Variants in SMOC1 observed in about 807,000 individuals in gnomAD.
SMOC1 encodes the protein SPARC-related modular calcium-binding protein 1.
Under a neutral mutation model 56.3 loss-of-function variants are expected in SMOC1, and 22 were observed. That is an observed-to-expected ratio of 0.39 (90% CI 0.28 to 0.56). The LOEUF (loss-of-function observed/expected upper bound fraction) is 0.56, where lower values mean the gene tolerates loss of function less well. Among genes scored for constraint, SMOC1 ranks in the 20% least tolerant of loss-of-function variants. SMOC1 has a pLI of 0.61. For missense variants in SMOC1, 509 were observed against 565.4 expected, an observed-to-expected ratio of 0.90 and a Z score of 1.01; for synonymous variants, 193 against 215.0, an observed-to-expected ratio of 0.90 and a Z score of 0.89.
chr14:69,895,869 T>C (rs1406055138), intron 1 of SMOC1, among the ~76,000 whole-genome samples: 3 of 23,168 alleles, frequency 1.3e-4, no homozygotes, highest in Non-Finnish European at 1.1e-3. Context: ...CTTTTTTTCT[T>C]TTTTTTTTTT....
intron 1 of SMOC1, among the ~76,000 whole-genome samples, chr14:69,889,565 T>C (rs1883905511): frequency 1.3e-5 from 2 of 152,202 alleles, no homozygotes; most frequent in African/African-American, 2.4e-5. Context: ...ATTTGTCCAA[T>C]GGAGGTCACA....
At chr14:69,956,353 G>T (rs2139449443) in intron 3 of SMOC1, among the ~76,000 whole-genome samples, 1 of 151,940 alleles carries the variant, frequency 6.6e-6, no homozygotes, top group South Asian at 2.1e-4. Flanking sequence ...AAATAAGGCT[G>T]CCTCTTTGAG....
chr14:69,997,659 T>C (rs1392906996), intron 7 of SMOC1, among the ~76,000 whole-genome samples: 1 of 152,234 alleles, frequency 6.6e-6, no homozygotes, highest in Non-Finnish European at 1.5e-5. Context: ...CTGGTGACTC[T>C]TGGTGGAATA....
Position 70,030,397 on chromosome 14 carries a change from A to T in SMOC1, c.*139A>T. 9.6e-7 allele frequency: 1 copy of T among 1,045,912 alleles called. No individual in the cohort carries two copies. The highest frequency in any genetic ancestry group is 1.4e-6 in the Non-Finnish European group (1 of 702,016). The allele number at this position is 1,045,912 out of a possible 1,614,324, so 64.8% of individuals were successfully genotyped here. On this transcript the variant is annotated 3_prime_UTR_variant, in exon 12 of 12. Coordinates refer to ENST00000361956, the MANE Select transcript of SMOC1 (RefSeq NM_001034852.3). ...GCCCACCATGTTTGCACTTTTAATA[A>T]CTCTTACTTGCGTGTTTTGTTTTTG...
At chr14:69,976,919 T>C (rs1307311285) in intron 4 of SMOC1, among the ~76,000 whole-genome samples, 1 of 152,170 alleles carries the variant, frequency 6.6e-6, no homozygotes, top group Admixed American at 6.5e-5. Flanking sequence ...AGAATCTACA[T>C]CAGGAAACCC....
At chr14:69,955,806 A>G (rs1883164636) in intron 3 of SMOC1, among the ~76,000 whole-genome samples, 1 of 152,198 alleles carries the variant, frequency 6.6e-6, no homozygotes, top group Admixed American at 6.5e-5. Context: ...TGATCTTTGT[A>G]TATATTTAAA....
At chr14:69,906,668 A>G (rs1374545753) in intron 1 of SMOC1, among the ~76,000 whole-genome samples, 2 of 151,546 alleles carry the variant, frequency 1.3e-5, no homozygotes, top group African/African-American at 4.9e-5. Flanking sequence ...GACAAAAAGG[A>G]GGAGTCAAGA....
chr14:70,016,812 C>G (rs1885531046), intron 10 of SMOC1, among the ~76,000 whole-genome samples: 1 of 152,222 alleles, frequency 6.6e-6, no homozygotes, highest in Non-Finnish European at 1.5e-5. Context: ...TCCCCATCTT[C>G]CAATGACTGG....
intron 7 of SMOC1, among the ~76,000 whole-genome samples, chr14:70,005,500 C>T (rs1885120845): frequency 6.6e-6 from 1 of 152,260 alleles, no homozygotes; most frequent in East Asian, 1.9e-4. Context: ...GGACTTTGGT[C>T]CTTCTTTGCT....
intron 11 of SMOC1, among the ~76,000 whole-genome samples, chr14:70,026,600 C>T (rs888199529): frequency 6.6e-6 from 1 of 152,202 alleles, no homozygotes; most frequent in African/African-American, 2.4e-5. Flanking sequence ...CATAGCTTTG[C>T]CCACAGAGGC....
chr14:69,913,528 C>G (rs1158046977), intron 1 of SMOC1, among the ~76,000 whole-genome samples: 7 of 151,932 alleles, frequency 4.6e-5, no homozygotes, highest in Admixed American at 2.6e-4. Context: ...ACAATATATT[C>G]CTTGCTTTTC....
chr14:69,937,259 C>T (rs1885319142), intron 1 of SMOC1, among the ~76,000 whole-genome samples: 1 of 152,190 alleles, frequency 6.6e-6, no homozygotes, highest in Non-Finnish European at 1.5e-5. Context: ...GTCTCTCAAT[C>T]AGTTTGCCTA....
At chr14:69,973,309 G>A (rs1298174451) in intron 3 of SMOC1, among the ~76,000 whole-genome samples, 1 of 152,316 alleles carries the variant, frequency 6.6e-6, no homozygotes, top group African/African-American at 2.4e-5. Context: ...TCCAGCCTTC[G>A]CTGGGTGCCA....
At chr14:69,964,559 A>G (rs112747234) in intron 3 of SMOC1, among the ~76,000 whole-genome samples, 3,562 of 152,004 alleles carry the variant, frequency 0.023, 49 homozygotes, top group Non-Finnish European at 0.026. Context: ...TTGTATTTTT[A>G]GTAGAGACGG....
chr14:69,951,092 C>T (rs1882979257), intron 1 of SMOC1, among the ~76,000 whole-genome samples: 1 of 152,178 alleles, frequency 6.6e-6, no homozygotes, highest in Non-Finnish European at 1.5e-5. Context: ...ATTTCTCTGT[C>T]TGCATGGTTT....
intron 1 of SMOC1, among the ~76,000 whole-genome samples, chr14:69,912,964 C>T (rs1478558942): frequency 2.6e-5 from 4 of 152,176 alleles, no homozygotes; most frequent in African/African-American, 9.7e-5. Context: ...AAGCCTATTA[C>T]TTTCAGTTCC....
intron 7 of SMOC1, among the ~76,000 whole-genome samples, 165 bp from the exon 8 acceptor site, chr14:70,010,589 G>A (rs904100398): frequency 6.6e-6 from 1 of 152,208 alleles, no homozygotes; most frequent in African/African-American, 2.4e-5. Flanking sequence ...CTCAGCATGC[G>A]CTGGCATGGG....
intron 1 of SMOC1, among the ~76,000 whole-genome samples, chr14:69,931,969 C>T (rs373843526): frequency 6.6e-6 from 1 of 152,116 alleles, no homozygotes; most frequent in Non-Finnish European, 1.5e-5. Context: ...GAGCAGGTGT[C>T]GCGCAGGGAG....
At chr14:70,005,404 G>A (rs1885116197) in intron 7 of SMOC1, among the ~76,000 whole-genome samples, 3 of 152,244 alleles carry the variant, frequency 2.0e-5, no homozygotes, top group East Asian at 1.9e-4. Flanking sequence ...GAAAGAACCC[G>A]TGCCCTGGGC....
Sources: gnomAD v4.1 joint callset for allele counts (sites outside exome capture counted in the v4.1 genomes callset) on GRCh38, gnomAD v4.1.1 for gene constraint, MANE v1.5 for transcripts, NCBI Gene and HGNC (gene_info 2026-07-23, HGNC 2026-07-21) for gene names.